Variants in SLIT2 observed in about 807,000 individuals in gnomAD.
SLIT2 encodes slit guidance ligand 2.
Under a neutral mutation model 185.7 loss-of-function variants are expected in SLIT2, and 41 were observed. The observed-to-expected ratio is 0.22, with a 90% CI of 0.17 to 0.29. The LOEUF (loss-of-function observed/expected upper bound fraction) is 0.29, where lower values mean the gene tolerates loss of function less well. Among genes scored for constraint, SLIT2 ranks in the 10% least tolerant of loss-of-function variants. The pLI, the probability that SLIT2 is intolerant of heterozygous loss-of-function variation, is 1.00. For missense variants in SLIT2, 1,571 were observed against 1,909.0 expected (o/e 0.82, Z 3.30); for synonymous variants, 693 against 680.2 (o/e 1.02, Z -0.29).
intron 4 of SLIT2, among the ~76,000 whole-genome samples, chr4:20,342,711 A>C (rs1412266104): frequency 4.7e-5 from 6 of 128,626 alleles, no homozygotes; most frequent in Non-Finnish European, 7.9e-5. Context: ...TTCATCGACT[A>C]TCGCACTTTT....
chr4:20,347,334 C>T (rs1332984881), intron 4 of SLIT2, among the ~76,000 whole-genome samples: 1 of 152,204 alleles, frequency 6.6e-6, no homozygotes, highest in African/African-American at 2.4e-5. Context: ...CTATGTAACT[C>T]ACTTTGCCAA....
intron 5 of SLIT2, among the ~76,000 whole-genome samples, chr4:20,472,088 G>A (rs1344987556): frequency 6.7e-6 from 1 of 149,488 alleles, no homozygotes; most frequent in Non-Finnish European, 1.5e-5. Context: ...CATTTCTGTA[G>A]GATTTACATT....
chr4:20,443,262 C>T (rs559787350), intron 4 of SLIT2, among the ~76,000 whole-genome samples: 1 of 152,110 alleles, frequency 6.6e-6, no homozygotes, highest in Non-Finnish European at 1.5e-5. Context: ...TTTTGACTTA[C>T]ATTTTACTGT....
chr4:20,503,072 T>C (rs1174847048), intron 9 of SLIT2, among the ~76,000 whole-genome samples: 1 of 152,204 alleles, frequency 6.6e-6, no homozygotes, highest in African/African-American at 2.4e-5. Flanking sequence ...TGAAGACATC[T>C]GGGGCATAGT....
intron 4 of SLIT2, among the ~76,000 whole-genome samples, chr4:20,346,464 A>G (rs1721421047): frequency 6.6e-6 from 1 of 152,190 alleles, no homozygotes; most frequent in African/African-American, 2.4e-5. Context: ...ATCTGAAGTT[A>G]TTGAGGTATG....
At chr4:20,316,502 T>G (rs951568010) in intron 4 of SLIT2, among the ~76,000 whole-genome samples, 5 of 151,970 alleles carry the variant, frequency 3.3e-5, no homozygotes, top group African/African-American at 1.2e-4. Flanking sequence ...ATTTGGTCTT[T>G]ATTTTAGTTT....
At chr4:20,478,035 A>G (rs1042466444) in intron 5 of SLIT2, among the ~76,000 whole-genome samples, 2 of 152,194 alleles carry the variant, frequency 1.3e-5, no homozygotes, top group African/African-American at 2.4e-5. Context: ...CCTGAAATAA[A>G]TTACATTGTT....
chr4:20,372,576 G>A (rs1723681301), intron 4 of SLIT2, among the ~76,000 whole-genome samples: 1 of 151,824 alleles, frequency 6.6e-6, no homozygotes, highest in Non-Finnish European at 1.5e-5. Flanking sequence ...TCTATAGCAT[G>A]GATCCTGCTA....
intron 4 of SLIT2, among the ~76,000 whole-genome samples, chr4:20,305,449 C>A (rs1383879456): frequency 6.6e-6 from 1 of 152,108 alleles, no homozygotes; most frequent in Non-Finnish European, 1.5e-5. Context: ...ATATAAAACA[C>A]CATGTATGGG....
chr4:20,403,468 T>C (rs1577586857), intron 4 of SLIT2, among the ~76,000 whole-genome samples: 1 of 152,064 alleles, frequency 6.6e-6, no homozygotes, highest in East Asian at 1.9e-4. Flanking sequence ...CTAATTGACC[T>C]AGCAGGGCTC....
intron 4 of SLIT2, among the ~76,000 whole-genome samples, chr4:20,272,065 A>G (rs1257196991): frequency 2.6e-5 from 4 of 152,126 alleles, no homozygotes; most frequent in African/African-American, 7.2e-5. Context: ...TTGCTCAGAA[A>G]TAGTAGTACA....
chr4:20,390,122 A>G (rs1725297763), intron 4 of SLIT2, among the ~76,000 whole-genome samples: 1 of 152,050 alleles, frequency 6.6e-6, no homozygotes, highest in Admixed American at 6.6e-5. Context: ...TAACTCCAAT[A>G]TATTTCTCTG....
chr4:20,273,706 A>G (rs1356050174), intron 4 of SLIT2, among the ~76,000 whole-genome samples: 1 of 152,194 alleles, frequency 6.6e-6, no homozygotes, highest in Non-Finnish European at 1.5e-5. Context: ...ATGTTTTATA[A>G]AACGAACTCC....
intron 8 of SLIT2, chr4:20,490,846 T>A (rs1444007456): frequency 6.7e-7 from 1 of 1,492,054 alleles, no homozygotes; most frequent in Admixed American, 2.0e-5. Context: ...AGACCGAGGA[T>A]ATTTTTGTAG....
chr4:20,542,067 A>G (rs1183055996), intron 20 of SLIT2, among the ~76,000 whole-genome samples: 5 of 152,142 alleles, frequency 3.3e-5, no homozygotes, highest in Admixed American at 6.5e-5. Flanking sequence ...AACAAGTTCT[A>G]TTATTATTGC....
intron 26 of SLIT2, among the ~76,000 whole-genome samples, chr4:20,562,669 G>T (rs142992436): frequency 4.6e-5 from 7 of 151,760 alleles, no homozygotes; most frequent in Non-Finnish European, 8.8e-5. Flanking sequence ...ATTAATGATG[G>T]AATGTTGTTA....
At chr4:20,567,179 TTTACCA>T (rs1461243438) in intron 26 of SLIT2, 77 bp from the exon 27 acceptor site, 6 of 1,189,558 alleles carry the variant, frequency 5.0e-6, no homozygotes, top group Non-Finnish European at 7.2e-6. Flanking sequence ...TTATATGAAA[TTTACCA>T]TTACATTAAG....
chr4:20,508,267 G>C (rs1719382746), intron 9 of SLIT2, among the ~76,000 whole-genome samples: 1 of 151,882 alleles, frequency 6.6e-6, no homozygotes. Context: ...GGATGTCCTT[G>C]GGTATGTAGG....
chr4:20,281,112 C>T (rs990070958), intron 4 of SLIT2, among the ~76,000 whole-genome samples: 8 of 152,064 alleles, frequency 5.3e-5, no homozygotes, highest in Non-Finnish European at 8.8e-5. Context: ...GGATTACAGG[C>T]GTGAGCCACT....
Sources: allele counts gnomAD v4.1 joint callset (sites outside exome capture counted in the v4.1 genomes callset), GRCh38; gene constraint gnomAD v4.1.1; transcripts MANE v1.5; gene names NCBI Gene and HGNC (gene_info 2026-07-23, HGNC 2026-07-21).